Variants in TRHDE observed in about 807,000 individuals in gnomAD.
TRHDE encodes thyrotropin-releasing hormone-degrading ectoenzyme.
A neutral mutation model predicts 125.7 loss-of-function variants in TRHDE; 72 were observed. The ratio of observed to expected loss-of-function variants is 0.57; its 90% CI spans 0.47 to 0.70. TRHDE has a LOEUF of 0.70. TRHDE is among the 30% of genes least tolerant of loss of function. The probability of loss-of-function intolerance (pLI) is 0.00; values close to 1 mark genes in which losing one functional copy is unlikely to be tolerated. For synonymous variants in TRHDE, 509 were observed against 509.1 expected (o/e 1.00, Z 0.00); for missense variants, 1,110 against 1,327.1 (o/e 0.84, Z 2.54).
At chr12:72,530,449 C>T (rs1401532806) in intron 6 of TRHDE, among the ~76,000 whole-genome samples, 1 of 100,468 alleles carries the variant, frequency 1.0e-5, no homozygotes, top group African/African-American at 4.4e-5. Flanking sequence ...TAACTTTAAC[C>T]AGCTCATTGG....
intron 2 of TRHDE, among the ~76,000 whole-genome samples, chr12:72,131,102 T>C (rs1407815344): frequency 6.8e-6 from 1 of 147,302 alleles, no homozygotes; most frequent in African/African-American, 2.5e-5. Flanking sequence ...GACAGAGTCT[T>C]CCTCTGTCAC....
At chr12:72,636,936 G>A (rs1044985379) in intron 15 of TRHDE, among the ~76,000 whole-genome samples, 3 of 152,084 alleles carry the variant, frequency 2.0e-5, no homozygotes, top group Non-Finnish European at 2.9e-5. Context: ...TTGCATCAAT[G>A]TTCATCAAGG....
chr12:72,610,283 A>T (rs148517879), intron 12 of TRHDE, among the ~76,000 whole-genome samples: 1 of 152,194 alleles, frequency 6.6e-6, no homozygotes, highest in Non-Finnish European at 1.5e-5. Flanking sequence ...AACATCATGC[A>T]TAGTCTGTCT....
intron 10 of TRHDE, among the ~76,000 whole-genome samples, chr12:72,573,602 CT>C (rs1459494421): frequency 6.6e-6 from 1 of 151,886 alleles, no homozygotes; most frequent in African/African-American, 2.4e-5. Flanking sequence ...AATTTAAACA[CT>C]TACGTATAGG....
At chr12:72,251,013 G>T (rs1878672682) in intron 2 of TRHDE, among the ~76,000 whole-genome samples, 1 of 151,490 alleles carries the variant, frequency 6.6e-6, no homozygotes, top group Admixed American at 6.6e-5. Flanking sequence ...AAATAATACA[G>T]AAAGATTCTG....
intron 2 of TRHDE, among the ~76,000 whole-genome samples, chr12:72,362,219 C>T (rs1240595525): frequency 6.9e-6 from 1 of 145,856 alleles, no homozygotes; most frequent in African/African-American, 2.5e-5. Flanking sequence ...TCCTCTCCAG[C>T]ACCTGTTGTT....
intron 2 of TRHDE, among the ~76,000 whole-genome samples, chr12:72,217,461 A>G (rs958472773): frequency 2.6e-5 from 4 of 152,184 alleles, no homozygotes; most frequent in East Asian, 1.9e-4. Context: ...GAAAAATTCA[A>G]TGGATATCTG....
intron 2 of TRHDE, among the ~76,000 whole-genome samples, chr12:72,311,023 C>T (rs910543641): frequency 2.0e-5 from 3 of 151,998 alleles, no homozygotes; most frequent in African/African-American, 4.8e-5. Context: ...TTGGTGTATA[C>T]GTTATATACA....
intron 17 of TRHDE, among the ~76,000 whole-genome samples, chr12:72,653,519 T>C (rs1874590675): frequency 6.6e-6 from 1 of 152,108 alleles, no homozygotes; most frequent in East Asian, 1.9e-4. Context: ...ATTATAAAAA[T>C]AAAACGTTAA....
chr12:72,652,347 G>C lies in TRHDE; in HGVS notation c.2701G>C (p.Val901Leu), dbSNP rs746911625. 2 of 1,550,406 alleles carry C rather than the reference G, an allele frequency of 1.3e-6. No individual in the cohort carries two copies. The highest frequency in any genetic ancestry group is 1.7e-6 in the Non-Finnish European group (2 of 1,147,638). ...NRIPLNVRDIVYCTGVSLLDE... is the reference protein window; with the variant it reads ...NRIPLNVRDILYCTGVSLLDE... ...AATACCACTAAATGTTAGAGACATC[G>C]TATACTGTACAGGAGTGTCACTACT... The change falls in exon 16 of 19, where the codon GTA (valine) becomes CTA (leucine). Residue 901 changes from valine to leucine, a missense_variant. By Grantham distance (32) the Val-to-Leu change is conservative (BLOSUM62 1). Around this residue, in one of 5 missense-constraint regions of TRHDE, gnomAD observed 527 missense variants for 651.8 expected, o/e 0.81. Coordinates refer to ENST00000261180, the MANE Select transcript of TRHDE (RefSeq NM_013381.3).
At chr12:72,459,527 C>T (rs1876024566) in intron 3 of TRHDE, among the ~76,000 whole-genome samples, 1 of 152,134 alleles carries the variant, frequency 6.6e-6, no homozygotes, top group African/African-American at 2.4e-5. Flanking sequence ...AGTCAGACCA[C>T]CACTGTTTCG....
chr12:72,558,750 G>T (rs1870037103), intron 7 of TRHDE, among the ~76,000 whole-genome samples: 1 of 152,156 alleles, frequency 6.6e-6, no homozygotes. Flanking sequence ...ATGGTGGAAA[G>T]GGTGATCAAG....
chr12:72,247,515 CAG>C (rs142898195), intron 2 of TRHDE, among the ~76,000 whole-genome samples: 7,590 of 152,138 alleles, frequency 0.05, 638 homozygotes, highest in African/African-American at 0.17. Flanking sequence ...GCCTCAGACT[CAG>C]AAATTTTGAT....
rs1878190050 is a variant in TRHDE at position 72,228,867 on chromosome 12, A to G, written n.279+123115A>G. Among the ~76,000 whole-genome samples, 6 of 152,192 alleles carry G rather than the reference A, an allele frequency of 3.9e-5. No individual in the cohort carries two copies. In the South Asian group the frequency reaches 1.2e-3, roughly 31 times the overall value. On this transcript the variant is annotated intron_variant and non_coding_transcript_variant, in intron 2 of 4. Coordinates refer to the TRHDE transcript ENST00000548156. The stretch of plus-strand genomic sequence containing the variant: ...GCAAAATGCTGCCAGTCTCTTTGCT[A>G]AGGCATCACAAGAGTCACCTTTTCT...
At chr12:72,415,873 T>C (rs1378766091) in intron 3 of TRHDE, among the ~76,000 whole-genome samples, 1 of 152,072 alleles carries the variant, frequency 6.6e-6, no homozygotes, top group African/African-American at 2.4e-5. Flanking sequence ...GCTATATTGA[T>C]TTCCTTTTTT....
At chr12:72,153,462 T>C (rs1033020433) in intron 2 of TRHDE, among the ~76,000 whole-genome samples, 2 of 152,234 alleles carry the variant, frequency 1.3e-5, no homozygotes, top group African/African-American at 4.8e-5. Flanking sequence ...TGCTCTTGTT[T>C]CTCTAGTTCT....
intron 3 of TRHDE, among the ~76,000 whole-genome samples, chr12:72,436,371 A>G (rs1319915681): frequency 6.6e-6 from 1 of 151,970 alleles, no homozygotes; most frequent in Non-Finnish European, 1.5e-5. Context: ...TAATTTAATT[A>G]ATCATTTCTT....
intron 5 of TRHDE, among the ~76,000 whole-genome samples, chr12:72,479,625 T>C (rs1056192059): frequency 4.5e-4 from 63 of 139,356 alleles, no homozygotes; most frequent in African/African-American, 1.7e-3. Flanking sequence ...AAATTATACA[T>C]GTTTTTAAAG....
chr12:72,091,268 T>C (rs1020432511), intron 1 of TRHDE, among the ~76,000 whole-genome samples: 3 of 152,172 alleles, frequency 2.0e-5, no homozygotes, highest in Non-Finnish European at 2.9e-5. Context: ...ATAAAAGCTG[T>C]AGATTCACTT....
Sources: allele counts gnomAD v4.1 joint callset (sites outside exome capture counted in the v4.1 genomes callset), GRCh38; gene constraint gnomAD v4.1.1; regional missense constraint gnomAD v4.1.1; transcripts MANE v1.5; gene names NCBI Gene and HGNC (gene_info 2026-07-23, HGNC 2026-07-21).